NPFFR2: variants seen among roughly 807,000 people sequenced by gnomAD.
NPFFR2 encodes G-protein coupled receptor 74.
NPFFR2 carries 15 observed loss-of-function variants against 13.1 expected under a neutral mutation model. That is an observed-to-expected ratio of 1.15 (90% CI 0.77 to 1.76). The LOEUF is 1.76. Among genes scored for constraint, NPFFR2 ranks in the 40% most tolerant of loss-of-function variants. The probability of loss-of-function intolerance (pLI) is 0.00; values close to 1 mark genes in which losing one functional copy is unlikely to be tolerated. For synonymous variants in NPFFR2, 190 were observed against 175.7 expected, an observed-to-expected ratio of 1.08 and a Z score of -0.65; for missense variants, 572 against 503.5, an observed-to-expected ratio of 1.14 and a Z score of -1.30.
chr4:72,102,237 T>C (rs1721271692), intron 1 of NPFFR2, among the ~76,000 whole-genome samples: 1 of 152,014 alleles, frequency 6.6e-6, no homozygotes, highest in African/African-American at 2.4e-5. Flanking sequence ...GTGGAAAAAC[T>C]TAAATGTCAG....
chr4:72,072,368 C>T (rs13120444), intron 1 of NPFFR2, among the ~76,000 whole-genome samples: 136,805 of 151,992 alleles, frequency 0.9, 62,502 homozygotes, highest in Non-Finnish European at 0.98. Context: ...AATGAAGAGA[C>T]AGAAAACCTA....
At chr4:72,043,040 T>C (rs1198933162) in intron 1 of NPFFR2, among the ~76,000 whole-genome samples, 1 of 152,190 alleles carries the variant, frequency 6.6e-6, no homozygotes, top group Non-Finnish European at 1.5e-5. Flanking sequence ...TGTTCAGCCT[T>C]GGGACTTGGT....
intron 2 of NPFFR2, among the ~76,000 whole-genome samples, chr4:72,130,277 G>A (rs944000602): frequency 4.0e-5 from 6 of 151,866 alleles, no homozygotes; most frequent in African/African-American, 1.5e-4. Context: ...TGAACTGTAA[G>A]GTCCAAAGAA....
At chr4:72,075,552 A>G (rs1255195172) in intron 1 of NPFFR2, among the ~76,000 whole-genome samples, 1 of 152,162 alleles carries the variant, frequency 6.6e-6, no homozygotes, top group African/African-American at 2.4e-5. Flanking sequence ...CTAAGGAAAC[A>G]GTGGACTTGA....
rs1560419399 is a variant in NPFFR2, at chr4:72,127,356, T to TAA, written c.-7-1229_-7-1228insAA. Among the ~76,000 whole-genome samples the TAA allele has an allele frequency of 9.0e-4, 114 of 126,972 alleles. 1 individual carries two copies. Among genetic ancestry groups the TAA allele is most frequent in the African/African-American group, 3.9e-3 (107 of 27,378 alleles). 83.3% of individuals were successfully genotyped at this position (126,972 alleles called of 152,430 possible). A position where few individuals can be genotyped will look rare whatever the true frequency, so the allele number is the denominator to read the frequency against. On this transcript the variant is annotated intron_variant, in intron 1 of 3. Coordinates refer to ENST00000308744, the MANE Select transcript of NPFFR2 (RefSeq NM_004885.3). Reference sequence around the variant, plus strand: ...AGTCATACAGATTCTAAATAATTTCTTTTCTTTTTTTTTTTTTTTTTTTTT... The same window carrying TAA: ...AGTCATACAGATTCTAAATAATTTCTAATTTCTTTTTTTTTTTTTTTTTTTTT...
chr4:72,052,797 C>G (rs949518384), intron 1 of NPFFR2, among the ~76,000 whole-genome samples: 1 of 151,982 alleles, frequency 6.6e-6, no homozygotes, highest in African/African-American at 2.4e-5. Context: ...TTGAAGCCTG[C>G]TACCTGGAGG....
chr4:72,076,980 TA>T (rs34765982), intron 1 of NPFFR2, among the ~76,000 whole-genome samples: 1 of 152,192 alleles, frequency 6.6e-6, no homozygotes. Context: ...TTCTTTTTTC[TA>T]AAAAGTAGTA....
intron 1 of NPFFR2, among the ~76,000 whole-genome samples, chr4:72,107,776 C>T (rs1721457271): frequency 6.6e-6 from 1 of 151,844 alleles, no homozygotes; most frequent in Non-Finnish European, 1.5e-5. Context: ...AATGAGTTAC[C>T]TCCTTGAAAA....
intron 1 of NPFFR2, among the ~76,000 whole-genome samples, chr4:72,064,862 G>T (rs549572844): frequency 6.6e-6 from 1 of 152,270 alleles, no homozygotes; most frequent in East Asian, 1.9e-4. Context: ...GATCACCTGA[G>T]ACATCTAGGA....
chr4:72,090,729 T>G (rs1463438573), intron 1 of NPFFR2, among the ~76,000 whole-genome samples: 2 of 152,092 alleles, frequency 1.3e-5, no homozygotes, highest in Non-Finnish European at 2.9e-5. Flanking sequence ...GCTTTATGGA[T>G]GAATCTTTAC....
intron 2 of NPFFR2, among the ~76,000 whole-genome samples, chr4:72,135,349 T>G (rs575466798): frequency 2.3e-4 from 35 of 152,196 alleles, no homozygotes; most frequent in Admixed American, 1.4e-3. Context: ...TGGAGTTCTT[T>G]TCTGTTTTTC....
At chr4:72,117,605 C>T (rs1021767580) in intron 1 of NPFFR2, among the ~76,000 whole-genome samples, 1 of 148,342 alleles carries the variant, frequency 6.7e-6, no homozygotes, top group African/African-American at 2.6e-5. Context: ...TTCATTGTTC[C>T]CCAGTTCTTA....
intron 1 of NPFFR2, among the ~76,000 whole-genome samples, chr4:72,066,604 A>AT (rs58146811): frequency 0.9 from 136,873 of 152,146 alleles, 62,526 homozygotes; most frequent in Non-Finnish European, 0.98. Flanking sequence ...CTTCCAAAAT[A>AT]GGTGGTGGGA....
intron 1 of NPFFR2, among the ~76,000 whole-genome samples, chr4:72,054,450 CTTACA>C (rs1425912935): frequency 6.6e-6 from 1 of 151,878 alleles, no homozygotes; most frequent in Non-Finnish European, 1.5e-5. Context: ...AACCTTAACT[CTTACA>C]TTACACCATA....
At chr4:72,138,588 A>G (rs2109844295) in intron 3 of NPFFR2, among the ~76,000 whole-genome samples, 1 of 152,324 alleles carries the variant, frequency 6.6e-6, no homozygotes, top group East Asian at 1.9e-4. Flanking sequence ...AAAGGACATG[A>G]ACTCATCCTT....
At chr4:72,069,016 A>G in intron 1 of NPFFR2, 1 of 1,175,724 alleles carries the variant, frequency 8.5e-7, no homozygotes, top group African/African-American at 1.6e-5. Context: ...TAGATCAGTG[A>G]CTGCTATGTA....
chr4:72,133,307 T>C (rs1268293068), intron 2 of NPFFR2, among the ~76,000 whole-genome samples: 1 of 152,102 alleles, frequency 6.6e-6, no homozygotes, highest in African/African-American at 2.4e-5. Flanking sequence ...TGTTGAAGGT[T>C]AGATATTTGT....
chr4:72,037,832 T>C (rs915115456), intron 1 of NPFFR2, among the ~76,000 whole-genome samples: 6 of 152,226 alleles, frequency 3.9e-5, no homozygotes, highest in Non-Finnish European at 5.9e-5. Context: ...TTCTGTGATA[T>C]ATGCTTCTTT....
chr4:72,134,871 C>G (rs750469064), intron 2 of NPFFR2, among the ~76,000 whole-genome samples: 1 of 152,162 alleles, frequency 6.6e-6, no homozygotes, highest in Non-Finnish European at 1.5e-5. Context: ...TAACAACTCT[C>G]TTCACCTCTC....
Sources: gnomAD v4.1 joint callset for allele counts (sites outside exome capture counted in the v4.1 genomes callset) on GRCh38, gnomAD v4.1.1 for gene constraint, MANE v1.5 for transcripts, NCBI Gene and HGNC (gene_info 2026-07-23, HGNC 2026-07-21) for gene names.